Variants in RAPGEF2 observed in about 807,000 individuals in gnomAD.
The protein encoded by RAPGEF2 is Rap guanine nucleotide exchange factor 2, also known as PDZ domain containing guanine nucleotide exchange factor (GEF) 1.
A neutral mutation model predicts 186.7 loss-of-function variants in RAPGEF2; 54 were observed. The observed-to-expected ratio is 0.29, with a 90% CI of 0.23 to 0.36. RAPGEF2 has a LOEUF of 0.36. RAPGEF2 is among the 10% of genes least tolerant of loss of function. RAPGEF2 has a pLI of 1.00. For missense variants in RAPGEF2, 1,532 were observed against 2,045.0 expected (o/e 0.75, Z 4.84); for synonymous variants, 712 against 705.9 (o/e 1.01, Z -0.14).
At chr4:159,162,001 A>G (rs1010601992) in intron 1 of RAPGEF2, among the ~76,000 whole-genome samples, 5 of 152,234 alleles carry the variant, frequency 3.3e-5, no homozygotes, top group African/African-American at 7.2e-5. Flanking sequence ...AAAAATCTGC[A>G]GAATGCAGCA....
chr4:159,242,068 ACTG>A (rs1754079070), intron 6 of RAPGEF2, among the ~76,000 whole-genome samples: 2 of 152,064 alleles, frequency 1.3e-5, no homozygotes, highest in South Asian at 4.1e-4. Flanking sequence ...TGATAAATAA[ACTG>A]CTTTTTATGT....
chr4:159,249,258 G>A (rs1412724938), intron 7 of RAPGEF2, among the ~76,000 whole-genome samples: 1 of 147,656 alleles, frequency 6.8e-6, no homozygotes, highest in African/African-American at 2.5e-5. Flanking sequence ...ATTTTGCAGA[G>A]CTACATGCTG....
chr4:159,147,774 A>G (rs902355453), intron 1 of RAPGEF2, among the ~76,000 whole-genome samples: 2 of 152,216 alleles, frequency 1.3e-5, no homozygotes, highest in Non-Finnish European at 2.9e-5. Flanking sequence ...CTTTCTCCTT[A>G]CTAGGTGTGT....
At chr4:159,119,685 C>G (rs1739448544) in intron 1 of RAPGEF2, among the ~76,000 whole-genome samples, 1 of 152,088 alleles carries the variant, frequency 6.6e-6, no homozygotes, top group South Asian at 2.1e-4. Context: ...ATTTTTTGAA[C>G]CTCAGTCTCA....
At chr4:159,196,369 T>A (rs1748655388) in intron 3 of RAPGEF2, among the ~76,000 whole-genome samples, 1 of 152,252 alleles carries the variant, frequency 6.6e-6, no homozygotes, top group South Asian at 2.1e-4. Flanking sequence ...TGTTTGTTCT[T>A]GTTCTTCCTT....
At chr4:159,293,082 G>A (rs927465618) in intron 7 of RAPGEF2, among the ~76,000 whole-genome samples, 16 of 152,040 alleles carry the variant, frequency 1.1e-4, no homozygotes, top group African/African-American at 3.9e-4. Flanking sequence ...ATTAATATAT[G>A]AAAATGTTAT....
intron 4 of RAPGEF2, among the ~76,000 whole-genome samples, chr4:159,236,013 C>T (rs553059345): frequency 6.6e-6 from 1 of 152,318 alleles, no homozygotes; most frequent in African/African-American, 2.4e-5. Context: ...GGCTGCTCTT[C>T]CTTTCTGCAT....
intron 4 of RAPGEF2, among the ~76,000 whole-genome samples, chr4:159,235,427 GCATT>G (rs1396947395): frequency 6.6e-6 from 1 of 151,944 alleles, no homozygotes; most frequent in Admixed American, 6.6e-5. Context: ...TCAGTGTAGA[GCATT>G]TCATTGTGCA....
intron 4 of RAPGEF2, among the ~76,000 whole-genome samples, chr4:159,238,360 T>C (rs531386273): frequency 6.6e-6 from 1 of 152,300 alleles, no homozygotes; most frequent in African/African-American, 2.4e-5. Flanking sequence ...TAAACACACT[T>C]TTTAGGTGAA....
At chr4:159,157,122 A>G (rs1264901302) in intron 1 of RAPGEF2, among the ~76,000 whole-genome samples, 2 of 152,144 alleles carry the variant, frequency 1.3e-5, no homozygotes, top group Admixed American at 6.5e-5. Flanking sequence ...TGTCCATTCA[A>G]GCTGAAGAAA....
At chr4:159,198,256 CTT>C (rs1235274758) in intron 3 of RAPGEF2, among the ~76,000 whole-genome samples, 3 of 97,262 alleles carry the variant, frequency 3.1e-5, no homozygotes, top group African/African-American at 4.6e-5. Flanking sequence ...TCCTTTCTTT[CTT>C]TCTCTTTCTT....
rs553723952 is a variant in RAPGEF2, at chr4:159,315,325, G to A, written c.853+557G>A. 1.1e-4 allele frequency among the ~76,000 whole-genome samples: 16 copies of A among 147,890 alleles called. No individual in the cohort carries two copies. The East Asian group carries it at 2.8e-3, about 26-fold the overall frequency. On this transcript the variant is annotated intron_variant, in intron 9 of 29. Transcript: ENST00000691494. ...TTTTTTTTTTTAATTTTTATTTTAT[G>A]TTCAGGAGTACAAGTGCAGGTCTGT...
intron 7 of RAPGEF2, among the ~76,000 whole-genome samples, chr4:159,253,831 G>A (rs550861239): frequency 8.9e-4 from 135 of 152,282 alleles, no homozygotes; most frequent in African/African-American, 2.9e-3. Flanking sequence ...AGCTGGGTGT[G>A]GTGGTGGGCG....
intron 7 of RAPGEF2, among the ~76,000 whole-genome samples, chr4:159,246,822 C>CT (rs1754684818): frequency 6.6e-6 from 1 of 152,034 alleles, no homozygotes; most frequent in Admixed American, 6.5e-5. Flanking sequence ...GTATTTGCTA[C>CT]TTAAGAGGGT....
chr4:159,284,881 G>T (rs1442935242), intron 7 of RAPGEF2, among the ~76,000 whole-genome samples: 2 of 152,024 alleles, frequency 1.3e-5, no homozygotes, highest in Non-Finnish European at 2.9e-5. Flanking sequence ...GGGAGACTTT[G>T]TCTCTACAAA....
chr4:159,126,742 T>C (rs1740342606), intron 1 of RAPGEF2, among the ~76,000 whole-genome samples: 1 of 152,212 alleles, frequency 6.6e-6, no homozygotes, highest in African/African-American at 2.4e-5. Context: ...CATTTTTATT[T>C]TTCTCAGTTG....
chr4:159,296,686 A>G (rs536155216), intron 7 of RAPGEF2, among the ~76,000 whole-genome samples: 1 of 152,350 alleles, frequency 6.6e-6, no homozygotes, highest in South Asian at 2.1e-4. Flanking sequence ...TACTTAGAGT[A>G]GGGCCTGTCA....
chr4:159,281,822 C>T (rs1323838245), intron 7 of RAPGEF2, among the ~76,000 whole-genome samples: 3 of 152,066 alleles, frequency 2.0e-5, no homozygotes, highest in Admixed American at 6.6e-5. Context: ...GGGTTCTGCT[C>T]CTCATTCTAT....
chr4:159,150,831 G>C (rs573989677), intron 1 of RAPGEF2, among the ~76,000 whole-genome samples: 1 of 152,202 alleles, frequency 6.6e-6, no homozygotes, highest in Non-Finnish European at 1.5e-5. Flanking sequence ...TTGGAATCAG[G>C]TGATGACCTA....
Sources: gnomAD v4.1 joint callset for allele counts (sites outside exome capture counted in the v4.1 genomes callset) on GRCh38, gnomAD v4.1.1 for gene constraint, MANE v1.5 for transcripts, NCBI Gene and HGNC (gene_info 2026-07-23, HGNC 2026-07-21) for gene names.